Variants in ACACB observed in about 807,000 individuals in gnomAD.
ACACB encodes acetyl-CoA carboxylase beta, also known as acetyl-CoA carboxylase 2.
A neutral mutation model predicts 278.8 loss-of-function variants in ACACB; 209 were observed. The observed-to-expected ratio is 0.75, with a 90% CI of 0.67 to 0.84. ACACB has a LOEUF of 0.84. ACACB is among the 40% of genes least tolerant of loss of function. The probability of loss-of-function intolerance (pLI) is 0.00; values close to 1 mark genes in which losing one functional copy is unlikely to be tolerated. For missense variants in ACACB, 2,850 were observed against 3,269.0 expected, an observed-to-expected ratio of 0.87 and a Z score of 3.13; for synonymous variants, 1,174 against 1,285.6, an observed-to-expected ratio of 0.91 and a Z score of 1.86.
At chr12:109,178,017 T>A (rs1014260525) in intron 9 of ACACB, among the ~76,000 whole-genome samples, 6 of 152,172 alleles carry the variant, frequency 3.9e-5, no homozygotes, top group Non-Finnish European at 7.3e-5. Flanking sequence ...GTCAGTCAAG[T>A]CAGCCATGTG....
intron 4 of ACACB, among the ~76,000 whole-genome samples, chr12:109,169,859 C>T (rs1034724536): frequency 1.3e-5 from 2 of 152,236 alleles, no homozygotes; most frequent in Admixed American, 6.5e-5. Context: ...TCTGGAATCT[C>T]CCCGTTGGCC....
intron 4 of ACACB, among the ~76,000 whole-genome samples, chr12:109,170,343 G>A (rs997339831): frequency 2.0e-5 from 3 of 152,128 alleles, no homozygotes; most frequent in Non-Finnish European, 4.4e-5. Flanking sequence ...GGGATTACAG[G>A]TGTCAGCCAC....
At position 109,260,636 on chromosome 12, in the gene ACACB, T is replaced by C. The variant is rs1593733861; in HGVS notation, c.6653T>C (p.Met2218Thr). Residue 2218 changes from methionine (M) to threonine (T), a missense_variant, in exon 48 of 53, where the codon ATG (methionine) becomes ACG (threonine). Physicochemically the swap from Met to Thr is moderately conservative, Grantham distance 81. Around this residue, in one of 3 missense-constraint regions of ACACB, gnomAD observed 579 missense variants for 684.6 expected, o/e 0.85. Coordinates refer to ENST00000338432, the MANE Select transcript of ACACB (RefSeq NM_001093.4). ...DATINPLCIEMYADKESRGGV... is the reference protein window; with the variant it reads ...DATINPLCIETYADKESRGGV... Reference sequence around the variant, plus strand: ...ACCATCAACCCGCTGTGCATAGAAATGTATGCAGACAAAGAGAGCAGGTGG... The same window carrying C: ...ACCATCAACCCGCTGTGCATAGAAACGTATGCAGACAAAGAGAGCAGGTGG... 6.3e-7 allele frequency: 1 copy of C among 1,591,290 alleles called. No individual in the cohort carries two copies. Among genetic ancestry groups the C allele is most frequent in the Non-Finnish European group, 8.5e-7 (1 of 1,169,592 alleles).
At chr12:109,233,884 G>C (rs757176303) in intron 30 of ACACB, 37 bp downstream of exon 30, 2 of 1,613,226 alleles carry the variant, frequency 1.2e-6, no homozygotes, top group African/African-American at 2.7e-5. Context: ...CTGGGGAGCA[G>C]GTGGGCCGTG....
Position 109,262,525 on chromosome 12 carries a change from C to T in ACACB, c.6787+56C>T, listed in dbSNP as rs146502898. 213 of 1,132,234 alleles carry T rather than the reference C, an allele frequency of 1.9e-4. 1 individual carries two copies. The African/African-American group carries it at 2.6e-3, about 14-fold the overall frequency. 70.1% of individuals were successfully genotyped at this position (1,132,234 alleles called of 1,614,324 possible). ...GAGGTCAAGAGAGGCCCAGCTGGCC[C>T]ACTGCTGGGGGTTTCTAGGATGTTA... On this transcript the variant is annotated intron_variant, in intron 49 of 52. Transcript: ENST00000338432.
At chr12:109,254,403 A>T (rs2047173075) in intron 44 of ACACB, 69 bp downstream of exon 44, 4 of 1,433,042 alleles carry the variant, frequency 2.8e-6, no homozygotes, top group Non-Finnish European at 1.9e-6. Flanking sequence ...ACAAAGGAGC[A>T]CTTTGTCTCA....
intron 44 of ACACB, among the ~76,000 whole-genome samples, chr12:109,255,264 G>A (rs1032340927): frequency 2.0e-4 from 31 of 152,188 alleles, no homozygotes; most frequent in African/African-American, 7.0e-4. Context: ...AGCTGCTCCC[G>A]TCACTATATC....
rs184268158 is a variant in ACACB at position 109,231,727 on chromosome 12, T to C, written c.4002-942T>C. Among the ~76,000 whole-genome samples the C allele has an allele frequency of 3.3e-5, 5 of 152,308 alleles. No homozygotes were observed. In the East Asian group the frequency reaches 9.6e-4, roughly 29 times the overall value. The stretch of plus-strand genomic sequence containing the variant: ...AGGGTGAAGTCCAGAGGAAAGCAGG[T>C]GTGCTGCCAGGGTCCTCTCCCAGTG... On this transcript the variant is annotated intron_variant, in intron 28 of 52. Coordinates refer to ENST00000338432, the MANE Select transcript of ACACB (RefSeq NM_001093.4).
At chr12:109,210,182 T>TGTATATAC (rs2045711406) in intron 21 of ACACB, among the ~76,000 whole-genome samples, 6 of 34,114 alleles carry the variant, frequency 1.8e-4, no homozygotes. Flanking sequence ...TATGTATATA[T>TGTATATAC]ACACACGTGT....
intron 44 of ACACB, among the ~76,000 whole-genome samples, chr12:109,255,246 G>T (rs1186424949): frequency 1.3e-5 from 2 of 152,164 alleles, no homozygotes; most frequent in Non-Finnish European, 2.9e-5. Context: ...AACACAACAG[G>T]AAAGTTGAGC....
chr12:109,210,235 A>ATATATACACACCTGTGTG (rs1217482493), intron 21 of ACACB, among the ~76,000 whole-genome samples: 1 of 21,076 alleles, frequency 4.7e-5, no homozygotes, highest in African/African-American at 2.4e-4. Context: ...GTGTATATGT[A>ATATATACACACCTGTGTG]TATATGTATA....
chr12:109,180,123 G>T (rs539279654), intron 11 of ACACB, 36 bp downstream of exon 11: 1 of 1,599,250 alleles, frequency 6.3e-7, no homozygotes, highest in Non-Finnish European at 8.5e-7. Flanking sequence ...GGACTTCTCT[G>T]CCCTGGGTCA....
At chr12:109,235,578 T>C in intron 32 of ACACB, 28 bp from the exon 33 acceptor site, 1 of 1,604,750 alleles carries the variant, frequency 6.2e-7, no homozygotes, top group East Asian at 2.2e-5. Flanking sequence ...TTGATTTAAT[T>C]GTCTTGTGTG....
At chr12:109,247,516 C>T in intron 39 of ACACB, 90 bp from the exon 40 acceptor site, 3 of 833,828 alleles carry the variant, frequency 3.6e-6, no homozygotes, top group Non-Finnish European at 6.0e-6. Context: ...TATTAACATC[C>T]ATCCCTACGA....
intron 2 of ACACB, among the ~76,000 whole-genome samples, chr12:109,158,511 T>C (rs1028678399): frequency 6.6e-6 from 1 of 152,094 alleles, no homozygotes; most frequent in African/African-American, 2.4e-5. Context: ...ACCCCGTCTC[T>C]ACAAAAATAA....
At chr12:109,198,225 A>C (rs2045209748) in intron 17 of ACACB, among the ~76,000 whole-genome samples, 1 of 152,092 alleles carries the variant, frequency 6.6e-6, no homozygotes, top group Non-Finnish European at 1.5e-5. Flanking sequence ...CCCACGTTCT[A>C]TCTGCCAAGA....
intron 2 of ACACB, among the ~76,000 whole-genome samples, chr12:109,147,122 C>T (rs2043261610): frequency 6.6e-6 from 1 of 152,210 alleles, no homozygotes; most frequent in Admixed American, 6.5e-5. Context: ...CCCTTTCTCA[C>T]ATTTAAAAAA....
chr12:109,234,608 A>G (rs2046578612), intron 31 of ACACB, among the ~76,000 whole-genome samples: 2 of 152,354 alleles, frequency 1.3e-5, no homozygotes, highest in South Asian at 2.1e-4. Context: ...TAAAGTGTGC[A>G]GTTTTGCAGC....
At chr12:109,172,377 A>G (rs369047788) in intron 6 of ACACB, 21 bp downstream of exon 6, 6 of 1,609,076 alleles carry the variant, frequency 3.7e-6, no homozygotes, top group Non-Finnish European at 4.3e-6. Flanking sequence ...TCCCCATCAG[A>G]TACATGGGAA....
Sources: gnomAD v4.1 joint callset for allele counts (sites outside exome capture counted in the v4.1 genomes callset) on GRCh38, gnomAD v4.1.1 for gene constraint, gnomAD v4.1.1 regional missense constraint, MANE v1.5 for transcripts, NCBI Gene and HGNC (gene_info 2026-07-23, HGNC 2026-07-21) for gene names.